UBE2F: variants seen among roughly 807,000 people sequenced by gnomAD.
The protein encoded by UBE2F is ubiquitin conjugating enzyme E2 F (putative).
Under a neutral mutation model 29.6 loss-of-function variants are expected in UBE2F, and 5 were observed. The observed-to-expected ratio is 0.17, with a 90% CI of 0.09 to 0.36. UBE2F has a LOEUF of 0.36. Ranked by LOEUF, UBE2F falls within the 10% of genes least tolerant of loss-of-function variation. The probability of loss-of-function intolerance (pLI) is 1.00; values close to 1 mark genes in which losing one functional copy is unlikely to be tolerated. For missense variants in UBE2F, 141 were observed against 228.5 expected (o/e 0.62, Z 2.47); for synonymous variants, 66 against 81.8 (o/e 0.81, Z 1.04).
chr2:238,005,251 A>G (rs1173275496), intron 4 of UBE2F, among the ~76,000 whole-genome samples: 1 of 152,168 alleles, frequency 6.6e-6, no homozygotes, highest in East Asian at 1.9e-4. Context: ...GCTGGAATGC[A>G]GTGTCACGAT....
chr2:238,026,554 G>A (rs1026189482), intron 6 of UBE2F, among the ~76,000 whole-genome samples: 1 of 151,928 alleles, frequency 6.6e-6, no homozygotes, highest in Non-Finnish European at 1.5e-5. Flanking sequence ...CTGCCTCAGC[G>A]TCCCGAGTAG....
intron 5 of UBE2F, among the ~76,000 whole-genome samples, chr2:238,019,310 A>T (rs1027846637): frequency 1.3e-5 from 2 of 152,168 alleles, no homozygotes; most frequent in African/African-American, 4.8e-5. Flanking sequence ...GTGGCTCTGC[A>T]TGAACCATGT....
At chr2:237,995,244 G>A (rs898631255) in intron 4 of UBE2F, among the ~76,000 whole-genome samples, 3 of 152,224 alleles carry the variant, frequency 2.0e-5, no homozygotes, top group African/African-American at 7.2e-5. Flanking sequence ...AACAGATAGT[G>A]TGGGTAAAGC....
intron 3 of UBE2F, among the ~76,000 whole-genome samples, chr2:237,990,897 C>T (rs374525113): frequency 9.9e-5 from 15 of 151,918 alleles, no homozygotes; most frequent in Admixed American, 2.6e-4. Context: ...ATGACAGGCA[C>T]GAGCCACTGT....
chr2:237,973,866 ACT>A (rs1288783631), intron 2 of UBE2F: 1 of 309,352 alleles, frequency 3.2e-6, no homozygotes, highest in Non-Finnish European at 5.0e-6. Flanking sequence ...CATTTAGCAA[ACT>A]CTTAAAATTT....
At chr2:238,034,851 C>T (rs565890006) in intron 8 of UBE2F, among the ~76,000 whole-genome samples, 1 of 152,142 alleles carries the variant, frequency 6.6e-6, no homozygotes, top group South Asian at 2.1e-4. Context: ...GTTGGAAAGC[C>T]ATGACTCATC....
intron 4 of UBE2F, 49 bp from the exon 5 acceptor site, chr2:238,016,513 CTTTT>C: frequency 7.7e-7 from 1 of 1,293,782 alleles, no homozygotes. Context: ...TTTTTGTTTC[CTTTT>C]TTTTTTAATT....
chr2:237,967,104 G>T lies in UBE2F; in HGVS notation c.-45G>T. 2 of 1,342,386 alleles carry T rather than the reference G, an allele frequency of 1.5e-6. No individual in the cohort carries two copies. The highest frequency in any genetic ancestry group is 1.9e-6 in the Non-Finnish European group (2 of 1,042,952). 83.2% of individuals were successfully genotyped at this position (1,342,386 alleles called of 1,614,324 possible). A position where few individuals can be genotyped will look rare whatever the true frequency, so the allele number is the denominator to read the frequency against. ...GACCGGGCATGGTGTTGGGCGCCGGGCCCGCCTCGCCTGTCTCGGGGAGCC... is the reference window on the plus strand; with the variant it reads ...GACCGGGCATGGTGTTGGGCGCCGGTCCCGCCTCGCCTGTCTCGGGGAGCC... On this transcript the variant is annotated 5_prime_UTR_variant, in exon 1 of 10. Transcript: ENST00000272930. This position sits in a 1 kb window ranked among gnomAD's most constrained non-coding sequence, Gnocchi z 6.3.
At chr2:238,031,301 C>T (rs1299713166) in intron 7 of UBE2F, among the ~76,000 whole-genome samples, 4 of 152,250 alleles carry the variant, frequency 2.6e-5, no homozygotes, top group Non-Finnish European at 5.9e-5. Context: ...CAGACTCCTG[C>T]TCCCCTGGGG....
intron 4 of UBE2F, among the ~76,000 whole-genome samples, chr2:237,999,185 C>A (rs1213804006): frequency 6.6e-6 from 1 of 151,798 alleles, no homozygotes; most frequent in Non-Finnish European, 1.5e-5. Context: ...CAGATTCAGG[C>A]GATTCTCAGG....
rs978118898 is a variant in UBE2F at position 238,001,401 on chromosome 2, G to GT, written c.214+6601dup. Among the ~76,000 whole-genome samples the GT allele has an allele frequency of 2.0e-4, 31 of 151,372 alleles. No homozygotes were observed. In the East Asian group the frequency reaches 3.1e-3, roughly 15 times the overall value. On this transcript the variant is annotated intron_variant, in intron 4 of 9. Transcript: ENST00000272930. ...ATGAATCCTTTATCAGATATGTGGTGTTTTTTTTTAAAGGGTTTTTATTGA... is the reference window on the plus strand; with the variant it reads ...ATGAATCCTTTATCAGATATGTGGTGTTTTTTTTTTAAAGGGTTTTTATTGA...
chr2:237,998,991 A>G (rs1456993528), intron 4 of UBE2F, among the ~76,000 whole-genome samples: 3 of 152,170 alleles, frequency 2.0e-5, no homozygotes, highest in Non-Finnish European at 2.9e-5. Flanking sequence ...TGTCAGATGC[A>G]TGAGCTGCAG....
chr2:238,017,758 C>G (rs1247719744), intron 5 of UBE2F, among the ~76,000 whole-genome samples: 5 of 152,166 alleles, frequency 3.3e-5, no homozygotes, highest in Non-Finnish European at 5.9e-5. Flanking sequence ...TAGGAAAGCA[C>G]AAGCTGATGG....
intron 2 of UBE2F, among the ~76,000 whole-genome samples, chr2:237,987,692 G>T (rs1351528673): frequency 1.3e-5 from 2 of 152,114 alleles, no homozygotes; most frequent in African/African-American, 2.4e-5. Flanking sequence ...CTACCTATAG[G>T]TCATTTCTAT....
chr2:238,007,287 A>G (rs1336901311), intron 4 of UBE2F, among the ~76,000 whole-genome samples: 1 of 151,238 alleles, frequency 6.6e-6, no homozygotes, highest in Non-Finnish European at 1.5e-5. Flanking sequence ...ATGCCCAGCT[A>G]ATTTTTATAT....
intron 3 of UBE2F, chr2:237,990,385 C>T (rs1331939624): frequency 6.6e-6 from 3 of 454,652 alleles, no homozygotes; most frequent in South Asian, 3.2e-5. Context: ...CAACTTGAGC[C>T]TGTATATACA....
intron 3 of UBE2F, among the ~76,000 whole-genome samples, chr2:237,993,312 G>A (rs1210099897): frequency 1.3e-5 from 2 of 152,076 alleles, no homozygotes; most frequent in Non-Finnish European, 2.9e-5. Flanking sequence ...ACTTCCATTT[G>A]CCGTGGTGAC....
intron 5 of UBE2F, among the ~76,000 whole-genome samples, chr2:238,019,284 G>T (rs1466631609): frequency 6.6e-6 from 1 of 152,190 alleles, no homozygotes; most frequent in Non-Finnish European, 1.5e-5. Context: ...AAACCCAGAA[G>T]TACTGAGAGC....
intron 8 of UBE2F, among the ~76,000 whole-genome samples, chr2:238,033,698 C>G (rs1035479903): frequency 3.9e-5 from 6 of 152,224 alleles, no homozygotes; most frequent in Admixed American, 3.9e-4. Context: ...GAATGTCTAT[C>G]ACACAAGCAG....
Sources: gnomAD v4.1 joint callset for allele counts (sites outside exome capture counted in the v4.1 genomes callset) on GRCh38, gnomAD v4.1.1 for gene constraint, Gnocchi (gnomAD v3.1) non-coding constraint, MANE v1.5 for transcripts, NCBI Gene and HGNC (gene_info 2026-07-23, HGNC 2026-07-21) for gene names.